DPP6: variants seen among roughly 807,000 people sequenced by gnomAD.
The protein encoded by DPP6 is dipeptidyl peptidase like 6.
DPP6 carries 69 observed loss-of-function variants against 122.6 expected under a neutral mutation model. The observed-to-expected ratio is 0.56, with a 90% CI of 0.46 to 0.69. The LOEUF (loss-of-function observed/expected upper bound fraction) is 0.69. DPP6 is among the 30% of genes least tolerant of loss of function. DPP6 has a pLI of 0.00. For synonymous variants in DPP6, 418 were observed against 433.1 expected, an observed-to-expected ratio of 0.97 and a Z score of 0.43; for missense variants, 928 against 1,116.9, an observed-to-expected ratio of 0.83 and a Z score of 2.41.
At chr7:153,818,543 CA>C in the DPP6 span, among the ~76,000 whole-genome samples, 2 of 152,094 alleles carry the variant, frequency 1.3e-5, no homozygotes, top group Non-Finnish European at 2.9e-5. Context: ...ATTAACAACA[CA>C]AAATTAGGTT....
intron 1 of DPP6, among the ~76,000 whole-genome samples, chr7:153,893,434 C>T (rs928837514): frequency 1.8e-4 from 27 of 152,140 alleles, no homozygotes; most frequent in Admixed American, 1.1e-3. Context: ...AGCATTTGAG[C>T]GGATGAATTC....
intron 2 of DPP6, among the ~76,000 whole-genome samples, chr7:154,449,824 A>G (rs1469076995): frequency 6.6e-6 from 1 of 151,932 alleles, no homozygotes; most frequent in East Asian, 1.9e-4. Flanking sequence ...TGGCTAACAC[A>G]TTGAAACCCC....
chr7:153,842,669 A>T, the DPP6 span, among the ~76,000 whole-genome samples: 2 of 152,280 alleles, frequency 1.3e-5, no homozygotes, highest in South Asian at 4.1e-4. Flanking sequence ...ATAGAGCTTA[A>T]TTTTTTTCCA....
At chr7:154,812,083 C>A (rs1022298583) in intron 16 of DPP6, among the ~76,000 whole-genome samples, 1 of 152,108 alleles carries the variant, frequency 6.6e-6, no homozygotes. Flanking sequence ...GTTGTCTGGG[C>A]ATAGGAAGGG....
intron 1 of DPP6, among the ~76,000 whole-genome samples, chr7:154,071,909 C>A (rs549803312): frequency 9.9e-5 from 15 of 152,242 alleles, no homozygotes; most frequent in African/African-American, 3.4e-4. Flanking sequence ...AATCTCGATC[C>A]CTTGAAAACA....
intron 5 of DPP6, among the ~76,000 whole-genome samples, chr7:154,593,424 T>C (rs956425712): frequency 3.3e-5 from 5 of 152,238 alleles, no homozygotes; most frequent in South Asian, 2.1e-4. Flanking sequence ...GATGGGATTT[T>C]ACCTTAAGAG....
chr7:154,753,403 G>T (rs1258221249), intron 8 of DPP6, among the ~76,000 whole-genome samples: 2 of 152,138 alleles, frequency 1.3e-5, no homozygotes, highest in Non-Finnish European at 2.9e-5. Flanking sequence ...ATTTGCAGGG[G>T]CACCTGCACT....
At chr7:154,879,621 A>G (rs1376137861) in intron 20 of DPP6, among the ~76,000 whole-genome samples, 4 of 149,790 alleles carry the variant, frequency 2.7e-5, no homozygotes, top group Non-Finnish European at 5.9e-5. Flanking sequence ...CACAAAAATC[A>G]GCCAGGTGTA....
intron 1 of DPP6, among the ~76,000 whole-genome samples, chr7:154,146,788 G>A (rs1469918665): frequency 1.1e-4 from 17 of 152,184 alleles, no homozygotes; most frequent in Non-Finnish European, 2.9e-5. Flanking sequence ...AGGGAGTGGG[G>A]AGTGGGGTGG....
chr7:154,305,647 G>A, intron 1 of DPP6: 2 of 1,487,176 alleles, frequency 1.3e-6, no homozygotes, highest in East Asian at 2.5e-5. Flanking sequence ...AGAGAGGGAG[G>A]ATATGTATTT....
chr7:154,104,143 C>T (rs757675443), intron 1 of DPP6, among the ~76,000 whole-genome samples: 5 of 152,374 alleles, frequency 3.3e-5, no homozygotes, highest in East Asian at 3.9e-4. Flanking sequence ...TTCACTTCTA[C>T]GTGGCCTCAC....
the DPP6 span, among the ~76,000 whole-genome samples, chr7:153,766,219 C>T: frequency 6.6e-6 from 1 of 152,178 alleles, no homozygotes; most frequent in East Asian, 1.9e-4. Context: ...ATTTTGGTGC[C>T]ATTCATTTGG....
the DPP6 span, among the ~76,000 whole-genome samples, chr7:153,866,693 C>T: frequency 6.6e-6 from 1 of 152,110 alleles, no homozygotes. Flanking sequence ...GTTGCCATTG[C>T]TTTTGGTGTT....
At chr7:153,832,927 C>T in the DPP6 span, among the ~76,000 whole-genome samples, 2 of 152,208 alleles carry the variant, frequency 1.3e-5, no homozygotes, top group African/African-American at 4.8e-5. Context: ...TCCCAAATGC[C>T]TCCCCTTGCA....
intron 1 of DPP6, among the ~76,000 whole-genome samples, chr7:154,164,272 C>G (rs1161952892): frequency 2.0e-5 from 3 of 149,694 alleles, no homozygotes; most frequent in Admixed American, 6.7e-5. Flanking sequence ...CTCTCTCCCC[C>G]GCTCCTTCCC....
chr7:153,993,243 A>G (rs1482973978), intron 1 of DPP6, among the ~76,000 whole-genome samples: 4 of 152,182 alleles, frequency 2.6e-5, no homozygotes, highest in African/African-American at 7.2e-5. Context: ...GTGCTGATGC[A>G]ATGAACAGAT....
At chr7:153,937,073 C>T (rs1294372723) in intron 1 of DPP6, among the ~76,000 whole-genome samples, 1 of 152,042 alleles carries the variant, frequency 6.6e-6, no homozygotes, top group Non-Finnish European at 1.5e-5. Context: ...CCATGGAGGA[C>T]CTTGGGGAGG....
chr7:154,785,199 T>TA (rs1245072642), intron 10 of DPP6, among the ~76,000 whole-genome samples: 19 of 152,344 alleles, frequency 1.2e-4, no homozygotes, highest in African/African-American at 4.3e-4. Context: ...TATTAGTGCT[T>TA]AAAAATAAAA....
chr7:153,983,039 T>G (rs1226576747), intron 1 of DPP6, among the ~76,000 whole-genome samples: 2 of 152,212 alleles, frequency 1.3e-5, no homozygotes, highest in Non-Finnish European at 2.9e-5. Flanking sequence ...ACCCACTTGA[T>G]GAGGCAGTCT....
Sources: allele counts gnomAD v4.1 joint callset (sites outside exome capture counted in the v4.1 genomes callset), GRCh38; gene constraint gnomAD v4.1.1; transcripts MANE v1.5; gene names NCBI Gene and HGNC (gene_info 2026-07-23, HGNC 2026-07-21).